Variants in AGBL3 observed in about 807,000 individuals in gnomAD.
AGBL3 encodes AGBL carboxypeptidase 3.
AGBL3 carries 68 observed loss-of-function variants against 94.5 expected under a neutral mutation model. That is an observed-to-expected ratio of 0.72 (90% CI 0.59 to 0.88). AGBL3 has a LOEUF of 0.88. Among genes scored for constraint, AGBL3 ranks in the 40% least tolerant of loss-of-function variants. AGBL3 has a pLI of 0.00. For synonymous variants in AGBL3, 354 were observed against 370.7 expected, an observed-to-expected ratio of 0.95 and a Z score of 0.52; for missense variants, 934 against 1,103.8, an observed-to-expected ratio of 0.85 and a Z score of 2.18.
chr7:135,034,559 G>T lies in AGBL3; in HGVS notation c.968G>T (p.Cys323Phe). 6.4e-7 allele frequency: 1 copy of T among 1,551,788 alleles called. No individual in the cohort carries two copies. The highest frequency in any genetic ancestry group is 8.7e-7 in the Non-Finnish European group (1 of 1,146,996). Residue 323 changes from cysteine to phenylalanine, a missense_variant, in exon 7 of 17, where the codon TGT becomes TTT. By Grantham distance (205) the Cys-to-Phe change is radical. Around this residue, in one of 3 missense-constraint regions of AGBL3, gnomAD observed 488 missense variants for 563.6 expected, o/e 0.87. Coordinates refer to ENST00000436302, the MANE Select transcript of AGBL3 (RefSeq NM_178563.4). ...AATGATCCAGTACGGTCAAAGTTTT[G>T]TAAAATACGTGTTTTGTGCCACACG... Reference protein sequence around the residue: ...INNDPVRSKFCKIRVLCHTLA... With the variant: ...INNDPVRSKFFKIRVLCHTLA...
intron 15 of AGBL3, among the ~76,000 whole-genome samples, chr7:135,099,212 G>C (rs1054354608): frequency 6.6e-6 from 1 of 152,048 alleles, no homozygotes; most frequent in Non-Finnish European, 1.5e-5. Context: ...GGTTACCTTA[G>C]TGTACCTGTC....
At chr7:135,100,177 C>CA (rs1283395626) in intron 15 of AGBL3, 1 of 150,622 alleles carries the variant, frequency 6.6e-6, no homozygotes, top group Non-Finnish European at 1.5e-5. Flanking sequence ...TGAGCCACTG[C>CA]ACCCGAGTTT....
chr7:135,041,795 A>G (rs1293261408), intron 8 of AGBL3, among the ~76,000 whole-genome samples: 1 of 152,188 alleles, frequency 6.6e-6, no homozygotes, highest in Admixed American at 6.6e-5. Flanking sequence ...TTTCAATCAC[A>G]TATCTCACAA....
At chr7:135,120,542 A>G (rs1237982334) in intron 16 of AGBL3, among the ~76,000 whole-genome samples, 2 of 152,252 alleles carry the variant, frequency 1.3e-5, no homozygotes, top group African/African-American at 4.8e-5. Flanking sequence ...GGAAAGAGAA[A>G]ACAAAAAACA....
chr7:135,114,121 A>AT (rs2117171435), intron 15 of AGBL3, among the ~76,000 whole-genome samples: 1 of 252 alleles, frequency 4.0e-3, no homozygotes, highest in East Asian at 0.1. Flanking sequence ...TGTGTTGCTT[A>AT]CACTGTTGGC....
intron 12 of AGBL3, among the ~76,000 whole-genome samples, chr7:135,068,860 C>A (rs1280239281): frequency 6.6e-6 from 1 of 152,080 alleles, no homozygotes; most frequent in Non-Finnish European, 1.5e-5. Context: ...AACATCACGA[C>A]AGGATCAAAT....
intron 7 of AGBL3, among the ~76,000 whole-genome samples, chr7:135,036,589 T>C (rs1445296095): frequency 1.3e-5 from 2 of 152,264 alleles, no homozygotes; most frequent in African/African-American, 4.8e-5. Flanking sequence ...CTTAATAAGC[T>C]TGAATATGAA....
At position 135,096,978 on chromosome 7, in the gene AGBL3, A is replaced by G. The variant is rs115392465; in HGVS notation, c.2110+15188A>G. Among the ~76,000 whole-genome samples, 344 of 152,300 alleles carry G rather than the reference A, an allele frequency of 2.3e-3. 1 individual carries two copies. Among genetic ancestry groups the G allele is most frequent in the African/African-American group, 7.6e-3 (315 of 41,562 alleles). On this transcript the variant is annotated intron_variant, in intron 15 of 16. Transcript: ENST00000436302. ...GACTGAATCTCAGGAGTCCTGGAAG[A>G]GACAAGCAAGTACTTCTAAATCAAT...
intron 4 of AGBL3, among the ~76,000 whole-genome samples, chr7:135,008,289 T>C (rs1422105173): frequency 3.9e-5 from 6 of 152,296 alleles, no homozygotes. Context: ...GATAGACTTA[T>C]AGACCAGTGA....
At chr7:134,989,892 A>T (rs981790868) in intron 3 of AGBL3, among the ~76,000 whole-genome samples, 6 of 151,490 alleles carry the variant, frequency 4.0e-5, no homozygotes, top group African/African-American at 1.5e-4. Flanking sequence ...AATAACCACC[A>T]TTCTTAGTTT....
chr7:135,066,052 T>C (rs1819267177), intron 12 of AGBL3, among the ~76,000 whole-genome samples: 1 of 152,130 alleles, frequency 6.6e-6, no homozygotes, highest in South Asian at 2.1e-4. Context: ...GAAAGCACCA[T>C]GACATTGATC....
Position 135,045,805 on chromosome 7 carries a change from C to T in AGBL3, c.1735C>T (p.Arg579Trp), listed in dbSNP as rs1021049300. The T allele has an allele frequency of 6.5e-6, 10 of 1,545,984 alleles. No homozygotes were observed. Among genetic ancestry groups the T allele is most frequent in the South Asian group, 3.6e-5 (3 of 83,246 alleles). Residue 579 changes from arginine to tryptophan, a missense_variant, in exon 11 of 17, where the codon CGG becomes TGG. Physicochemically the swap from Arg to Trp is moderately radical, Grantham distance 101. This residue lies in a region of AGBL3 where 441 missense variants were observed against 518.2 expected (regional missense o/e 0.85). Transcript: ENST00000436302. ...ATTTATTACTTTTGCCTAGTATTATCGGTGCCTGAAAGAATTAGAAGAAAT... is the reference window on the plus strand; with the variant it reads ...ATTTATTACTTTTGCCTAGTATTATTGGTGCCTGAAAGAATTAGAAGAAAT... ...YCDPDRTKYY[R>W]CLKELEEMER...
chr7:135,089,182 A>G (rs1297354117), intron 15 of AGBL3, among the ~76,000 whole-genome samples: 3 of 151,752 alleles, frequency 2.0e-5, no homozygotes, highest in Admixed American at 2.0e-4. Context: ...TATTTCATTC[A>G]TTGAATGTTT....
At chr7:135,050,504 G>A (rs1817773242) in intron 11 of AGBL3, among the ~76,000 whole-genome samples, 1 of 151,804 alleles carries the variant, frequency 6.6e-6, no homozygotes, top group South Asian at 2.1e-4. Context: ...TTATTGTATT[G>A]CCGTTTCTCT....
chr7:135,125,481 C>T (rs148930574), intron 16 of AGBL3, among the ~76,000 whole-genome samples: 264 of 152,268 alleles, frequency 1.7e-3, no homozygotes, highest in Non-Finnish European at 3.3e-3. Flanking sequence ...AGAGCTGGTA[C>T]CATTCCTTCT....
intron 4 of AGBL3, among the ~76,000 whole-genome samples, chr7:135,007,882 G>C (rs998255142): frequency 6.6e-6 from 1 of 151,794 alleles, no homozygotes; most frequent in African/African-American, 2.4e-5. Context: ...ACCCTAAAAT[G>C]AACTTATGAA....
chr7:135,068,585 A>C (rs1369531866), intron 12 of AGBL3, among the ~76,000 whole-genome samples: 1 of 152,228 alleles, frequency 6.6e-6, no homozygotes, highest in Admixed American at 6.5e-5. Context: ...AATATTCAAC[A>C]TCCTTAAAGA....
chr7:135,098,748 T>C (rs1257286383), intron 15 of AGBL3, among the ~76,000 whole-genome samples: 1 of 152,206 alleles, frequency 6.6e-6, no homozygotes, highest in Non-Finnish European at 1.5e-5. Context: ...GAAGTATTAT[T>C]GGAAAAAGAA....
intron 12 of AGBL3, among the ~76,000 whole-genome samples, chr7:135,066,997 G>C (rs924240364): frequency 2.6e-5 from 4 of 152,162 alleles, no homozygotes; most frequent in Non-Finnish European, 4.4e-5. Context: ...TCAAAGAAAG[G>C]GGTGACAGAT....
Sources: allele counts gnomAD v4.1 joint callset (sites outside exome capture counted in the v4.1 genomes callset), GRCh38; gene constraint gnomAD v4.1.1; regional missense constraint gnomAD v4.1.1; transcripts MANE v1.5; gene names NCBI Gene and HGNC (gene_info 2026-07-23, HGNC 2026-07-21).